Variants in GREB1L observed in about 807,000 individuals in gnomAD.
GREB1L encodes GREB1 like retinoic acid receptor coactivator, also known as GREB1-like protein.
Under a neutral mutation model 200.8 loss-of-function variants are expected in GREB1L, and 17 were observed. The ratio of observed to expected loss-of-function variants is 0.08; its 90% CI spans 0.06 to 0.13. The LOEUF is 0.13. Among genes scored for constraint, GREB1L ranks in the 10% least tolerant of loss-of-function variants. The probability of loss-of-function intolerance (pLI) is 1.00; values close to 1 mark genes in which losing one functional copy is unlikely to be tolerated. For missense variants in GREB1L, 1,657 were observed against 2,367.7 expected, an observed-to-expected ratio of 0.70 and a Z score of 6.23; for synonymous variants, 789 against 893.0, an observed-to-expected ratio of 0.88 and a Z score of 2.08.
At chr18:21,452,621 A>G (rs2034578958) in intron 14 of GREB1L, among the ~76,000 whole-genome samples, 1 of 152,164 alleles carries the variant, frequency 6.6e-6, no homozygotes, top group Admixed American at 6.5e-5. Context: ...GACTTGTAAA[A>G]CACACATTAT....
At chr18:21,252,647 C>T (rs1205229036) in intron 1 of GREB1L, among the ~76,000 whole-genome samples, 2 of 151,658 alleles carry the variant, frequency 1.3e-5, no homozygotes, top group African/African-American at 4.9e-5. Context: ...GTGGGTGGAT[C>T]ACCTGAGATC....
chr18:21,390,747 G>A (rs529935867), intron 4 of GREB1L, among the ~76,000 whole-genome samples: 4 of 152,194 alleles, frequency 2.6e-5, no homozygotes, highest in Admixed American at 2.0e-4. Context: ...ATATTGGCCA[G>A]GATGGTCTCA....
chr18:21,476,715 C>T (rs560347776), intron 16 of GREB1L, among the ~76,000 whole-genome samples: 2 of 151,306 alleles, frequency 1.3e-5, no homozygotes, highest in Admixed American at 1.3e-4. Context: ...ATTACAGGCA[C>T]ACACCGCCAC....
intron 1 of GREB1L, among the ~76,000 whole-genome samples, chr18:21,293,952 G>GT (rs2038489382): frequency 6.6e-6 from 1 of 152,082 alleles, no homozygotes; most frequent in South Asian, 2.1e-4. Context: ...GCTAATTTTT[G>GT]TATTTTTTGT....
At chr18:21,387,651 G>A (rs1455949423) in intron 4 of GREB1L, 1 of 152,158 alleles carries the variant, frequency 6.6e-6, no homozygotes, top group East Asian at 1.9e-4. Flanking sequence ...TACCCTGTTG[G>A]GGAGTCCTAA....
intron 30 of GREB1L, among the ~76,000 whole-genome samples, chr18:21,517,690 T>C (rs774573235): frequency 6.6e-6 from 1 of 152,150 alleles, no homozygotes; most frequent in Non-Finnish European, 1.5e-5. Flanking sequence ...TTGCCATTTT[T>C]TTGGTGGGGT....
chr18:21,452,142 AC>A lies in GREB1L; in HGVS notation c.1913del (p.Pro638LeufsTer18). On this transcript the variant is annotated frameshift_variant, in exon 14 of 33. Transcript: ENST00000424526. LOFTEE classifies it high-confidence loss of function. ...ACAAAGAAGAGGAGACAGTGTGGTT[AC>A]CCCTTTCGATGGAGACCTTAATGAA... ...MQQRRGDSVV[T>X]PFDGDLNECV... 6.4e-7 allele frequency: 1 copy of A among 1,552,032 alleles called. No homozygotes were observed. Among genetic ancestry groups the A allele is most frequent in the Non-Finnish European group, 8.7e-7 (1 of 1,146,952 alleles).
intron 15 of GREB1L, among the ~76,000 whole-genome samples, chr18:21,471,867 TG>T (rs1197305136): frequency 6.6e-6 from 1 of 152,096 alleles, no homozygotes; most frequent in African/African-American, 2.4e-5. Flanking sequence ...GTGGTGCGCC[TG>T]TCTTAGCTTC....
rs1204917677 is a variant in GREB1L, at chr18:21,454,708, G to A, written c.2182+145G>A. ...TCATAAAAGCACTTTGTTATTTTGG[G>A]TTTATCTGAAGTTTTCCCTCAAAGT... On this transcript the variant is annotated intron_variant, in intron 15 of 32. Transcript: ENST00000424526. 5 of 709,914 alleles carry A rather than the reference G, an allele frequency of 7.0e-6. No individual in the cohort carries two copies. In the East Asian group the frequency reaches 8.1e-5, roughly 12 times the overall value. The allele number at this position is 709,914 out of a possible 1,614,324, so 44.0% of individuals were successfully genotyped here. A position where few individuals can be genotyped will look rare whatever the true frequency, so the allele number is the denominator to read the frequency against.
At chr18:21,308,290 A>G (rs766236165) in intron 1 of GREB1L, among the ~76,000 whole-genome samples, 5 of 152,224 alleles carry the variant, frequency 3.3e-5, no homozygotes, top group African/African-American at 7.2e-5. Context: ...TAAACCAGAC[A>G]TGGAGTATGC....
At chr18:21,305,126 C>T (rs142562481) in intron 1 of GREB1L, among the ~76,000 whole-genome samples, 1 of 152,174 alleles carries the variant, frequency 6.6e-6, no homozygotes, top group Non-Finnish European at 1.5e-5. Context: ...CAGGTGCCCA[C>T]CACCATGCCC....
At chr18:21,417,906 G>A (rs1308057833) in intron 7 of GREB1L, among the ~76,000 whole-genome samples, 13 of 151,332 alleles carry the variant, frequency 8.6e-5, no homozygotes, top group African/African-American at 2.7e-4. Context: ...GCATGAACCC[G>A]GGAGGTGGAG....
chr18:21,441,476 A>G lies in GREB1L; in HGVS notation c.1146A>G (p.Glu382=), dbSNP rs1363243270. Reference sequence around the variant, plus strand: ...AACCCAGGCCCATTCCTGCAGGGGAAACTGTAATTGTTCCTGAAAACCTGC... The same window carrying G: ...AACCCAGGCCCATTCCTGCAGGGGAGACTGTAATTGTTCCTGAAAACCTGC... The part of the protein sequence containing the change: ...ILQPRPIPAG[E]TVIVPENLLS... Residue 382 remains glutamate (E), a synonymous_variant, in exon 10 of 33, where the codon GAA becomes GAG. Transcript: ENST00000424526. 7 of 1,551,580 alleles carry G rather than the reference A, an allele frequency of 4.5e-6. No homozygotes were observed. The East Asian group carries it at 1.7e-4, about 38-fold the overall frequency.
At chr18:21,454,750 C>A in intron 15 of GREB1L, 187 bp downstream of exon 15, 2 of 611,222 alleles carry the variant, frequency 3.3e-6, no homozygotes, top group Middle Eastern at 2.7e-4. Context: ...TCCTTTTTCC[C>A]TCAAGGTCAA....
chr18:21,459,689 A>T (rs1056130418), intron 15 of GREB1L, among the ~76,000 whole-genome samples: 2 of 152,054 alleles, frequency 1.3e-5, no homozygotes, highest in African/African-American at 2.4e-5. Flanking sequence ...ATAAAGACAT[A>T]TTTTTTTGGT....
chr18:21,506,508 A>G (rs978761512), intron 25 of GREB1L, among the ~76,000 whole-genome samples: 8 of 152,206 alleles, frequency 5.3e-5, no homozygotes, highest in African/African-American at 1.7e-4. Flanking sequence ...TACTTCTTCA[A>G]ATGGTTACAC....
At chr18:21,293,558 C>T (rs1460925065) in intron 1 of GREB1L, among the ~76,000 whole-genome samples, 2 of 152,200 alleles carry the variant, frequency 1.3e-5, no homozygotes, top group African/African-American at 4.8e-5. Flanking sequence ...TGATGACCTT[C>T]GTGCTAGGTA....
At chr18:21,355,298 ATTC>A (rs1343981403) in intron 1 of GREB1L, among the ~76,000 whole-genome samples, 3 of 151,852 alleles carry the variant, frequency 2.0e-5, no homozygotes, top group Non-Finnish European at 4.4e-5. Flanking sequence ...AGTTCAAGCA[ATTC>A]TTCTGCCTTA....
chr18:21,431,353 C>T (rs1445899371), intron 7 of GREB1L, among the ~76,000 whole-genome samples: 1 of 152,122 alleles, frequency 6.6e-6, no homozygotes, highest in Non-Finnish European at 1.5e-5. Context: ...AAGTTGTATA[C>T]AATTTCCTTT....
Sources: gnomAD v4.1 joint callset for allele counts (sites outside exome capture counted in the v4.1 genomes callset) on GRCh38, gnomAD v4.1.1 for gene constraint, MANE v1.5 for transcripts, NCBI Gene and HGNC (gene_info 2026-07-23, HGNC 2026-07-21) for gene names.